The following PIK3CD variants were observed in gnomAD, a reference collection of about 807,000 sequenced individuals.
PIK3CD encodes phosphatidylinositol 4,5-bisphosphate 3-kinase catalytic subunit delta isoform.
Under a neutral mutation model 122.9 loss-of-function variants are expected in PIK3CD, and 20 were observed. That is an observed-to-expected ratio of 0.16 (90% CI 0.11 to 0.24). The LOEUF (loss-of-function observed/expected upper bound fraction) is 0.24, where lower values mean the gene tolerates loss of function less well. PIK3CD is among the 10% of genes least tolerant of loss of function. PIK3CD has a pLI of 1.00. For missense variants in PIK3CD, 787 were observed against 1,406.3 expected (o/e 0.56, Z 7.04); for synonymous variants, 596 against 593.4 (o/e 1.00, Z -0.06).
Position 9,710,531 on chromosome 1 carries a change from C to A in PIK3CD, c.76C>A (p.Leu26Met). The A allele has an allele frequency of 1.9e-6, 3 of 1,614,062 alleles. No homozygotes were observed. Among genetic ancestry groups the A allele is most frequent in the Non-Finnish European group, 2.5e-6 (3 of 1,179,974 alleles). Residue 26 changes from leucine to methionine, a missense_variant, in exon 3 of 24, where the codon CTG (leucine) becomes ATG (methionine). Leu to Met is a conservative substitution (Grantham distance 15, BLOSUM62 2). Coordinates refer to ENST00000377346, the MANE Select transcript of PIK3CD (RefSeq NM_005026.5). This position sits in a 1 kb window ranked among gnomAD's most constrained non-coding sequence, Gnocchi z 4.7. ...ENQSVVVDFL[L>M]PTGVYLNFPV... is the part of the protein sequence containing the mutation. The stretch of plus-strand genomic sequence containing the variant: ...TCAGAGCGTTGTGGTTGACTTCCTG[C>A]TGCCCACAGGGGTCTACCTGAACTT...
intron 2 of PIK3CD, among the ~76,000 whole-genome samples, chr1:9,708,551 A>G (rs1238650539): frequency 6.6e-6 from 1 of 152,190 alleles, no homozygotes; most frequent in Admixed American, 6.5e-5. Flanking sequence ...ATAAAAATAT[A>G]AAAACATGCA....
At chr1:9,676,166 G>A (rs982628663) in intron 1 of PIK3CD, among the ~76,000 whole-genome samples, 3 of 151,920 alleles carry the variant, frequency 2.0e-5, no homozygotes, top group African/African-American at 7.3e-5. Context: ...TCCTGACCTC[G>A]TGATCCACCT....
intron 2 of PIK3CD, among the ~76,000 whole-genome samples, chr1:9,705,685 ATG>A (rs1646805341): frequency 6.6e-6 from 1 of 152,246 alleles, no homozygotes; most frequent in Admixed American, 6.5e-5. Flanking sequence ...CCACAGGAAA[ATG>A]GGCAAAGTTT....
chr1:9,685,684 G>A (rs547036607), intron 1 of PIK3CD, among the ~76,000 whole-genome samples: 4 of 152,142 alleles, frequency 2.6e-5, no homozygotes, highest in Non-Finnish European at 4.4e-5. Context: ...TTTTTAAAGA[G>A]ATGAGTATCT....
chr1:9,718,269 T>C lies in PIK3CD; in HGVS notation c.1021-425T>C. On this transcript the variant is annotated intron_variant, in intron 8 of 23. Coordinates refer to ENST00000377346, the MANE Select transcript of PIK3CD (RefSeq NM_005026.5). This position sits in a 1 kb window ranked among gnomAD's most constrained non-coding sequence, Gnocchi z 7.2. Reference sequence around the variant, plus strand: ...GACTGGATCAGAGGGACTTCCAGGGTGGTGGTGTCAGGTGGAATTGGAAGG... The same window carrying C: ...GACTGGATCAGAGGGACTTCCAGGGCGGTGGTGTCAGGTGGAATTGGAAGG... 1 of 464,920 alleles carries C rather than the reference T, an allele frequency of 2.2e-6. No homozygotes were observed. The allele number at this position is 464,920 out of a possible 1,614,324, so 28.8% of individuals were successfully genotyped here. A position where few individuals can be genotyped will look rare whatever the true frequency, so the allele number is the denominator to read the frequency against.
Position 9,724,672 on chromosome 1 carries a change from AGGCCTTGTGTCCACCCATTATCAG to A in PIK3CD, c.2865-128_2865-105del. The A allele has an allele frequency of 8.1e-7, 1 of 1,236,938 alleles. No homozygotes were observed. The highest frequency in any genetic ancestry group is 1.2e-6 in the Non-Finnish European group (1 of 841,742). The allele number at this position is 1,236,938 out of a possible 1,614,324, so 76.6% of individuals were successfully genotyped here. A position where few individuals can be genotyped will look rare whatever the true frequency, so the allele number is the denominator to read the frequency against. ...CACGGGGGTCAGTTAGCAGAACTGGAGGCCTTGTGTCCACCCATTATCAGGGCAAGGGCAGGTGTCCTTGGGGAA... is the reference window on the plus strand; with the variant it reads ...CACGGGGGTCAGTTAGCAGAACTGGAGGCAAGGGCAGGTGTCCTTGGGGAA... On this transcript the variant is annotated intron_variant, in intron 22 of 23. Transcript: ENST00000377346. This position sits in a 1 kb window ranked among gnomAD's most constrained non-coding sequence, Gnocchi z 7.3.
intron 1 of PIK3CD, among the ~76,000 whole-genome samples, chr1:9,664,160 T>G (rs1645093830): frequency 6.6e-6 from 1 of 150,586 alleles, no homozygotes; most frequent in Non-Finnish European, 1.5e-5. Context: ...GTGATTCTCC[T>G]GCCTCAGCCT....
the PIK3CD span, among the ~76,000 whole-genome samples, chr1:9,631,258 G>A: frequency 2.8e-4 from 43 of 152,350 alleles, no homozygotes; most frequent in Non-Finnish European, 5.0e-4. Flanking sequence ...TGATTAGCCT[G>A]TGTTGGATCC....
chr1:9,656,221 G>C (rs1644853194), intron 1 of PIK3CD, among the ~76,000 whole-genome samples: 1 of 152,156 alleles, frequency 6.6e-6, no homozygotes, highest in South Asian at 2.1e-4. Context: ...ATGCTGTACG[G>C]GTTAAGTATC....
rs1570379719 is a variant in PIK3CD, at chr1:9,720,334, C to T, written c.1470+92C>T. 6.8e-7 allele frequency: 1 copy of T among 1,470,700 alleles called. No individual in the cohort carries two copies. The highest frequency in any genetic ancestry group is 9.1e-7 in the Non-Finnish European group (1 of 1,094,770). The allele number at this position is 1,470,700 out of a possible 1,614,324, so 91.1% of individuals were successfully genotyped here. On this transcript the variant is annotated intron_variant, in intron 11 of 23. Coordinates refer to ENST00000377346, the MANE Select transcript of PIK3CD (RefSeq NM_005026.5). This position sits in a 1 kb window ranked among gnomAD's most constrained non-coding sequence, Gnocchi z 9.0. The stretch of plus-strand genomic sequence containing the variant: ...AGCTCTTCAGAGGGTGCTCCCTGGC[C>T]ACGTCGGGGCTGGGCTACCAGGCAT...
At chr1:9,707,585 C>G (rs931051371) in intron 2 of PIK3CD, among the ~76,000 whole-genome samples, 1 of 151,900 alleles carries the variant, frequency 6.6e-6, no homozygotes, top group African/African-American at 2.4e-5. Context: ...TATTTAGCTC[C>G]CACTTATAGG....
At chr1:9,651,164 T>C (rs946151298), upstream of PIK3CD, among the ~76,000 whole-genome samples, 1 of 152,148 alleles carries the variant, frequency 6.6e-6, no homozygotes, top group Non-Finnish European at 1.5e-5. Context: ...TCTTTATAGA[T>C]AGAAATCATT....
At chr1:9,656,605 A>T (rs1644861896) in intron 1 of PIK3CD, among the ~76,000 whole-genome samples, 1 of 152,154 alleles carries the variant, frequency 6.6e-6, no homozygotes, top group African/African-American at 2.4e-5. Flanking sequence ...TAGCCATGGC[A>T]CTACAACTTG....
rs550169959 is a variant in PIK3CD at position 9,710,694 on chromosome 1, T to G, written c.141+98T>G. On this transcript the variant is annotated intron_variant, in intron 3 of 23. Transcript: ENST00000377346. This position sits in a 1 kb window ranked among gnomAD's most constrained non-coding sequence, Gnocchi z 4.7. ...ACAGACAGACAGACAGATGGACAGG[T>G]GGACAGACGGACAGACAGATGGACA... The G allele has an allele frequency of 7.4e-7, 1 of 1,350,882 alleles. No homozygotes were observed. The highest frequency in any genetic ancestry group is 1.1e-6 in the Non-Finnish European group (1 of 946,624). The allele number at this position is 1,350,882 out of a possible 1,614,324, so 83.7% of individuals were successfully genotyped here.
rs1408760018 is a variant in PIK3CD at position 9,727,103 on chromosome 1, C to G, written c.*57C>G. ...GCGGCTGCGGGTCGTGGGGACCAAGCACATTGGTCCTAAAGGGGCTGAAGA... is the reference window on the plus strand; with the variant it reads ...GCGGCTGCGGGTCGTGGGGACCAAGGACATTGGTCCTAAAGGGGCTGAAGA... On this transcript the variant is annotated 3_prime_UTR_variant, in exon 24 of 24. Transcript: ENST00000377346. 3 of 1,598,634 alleles carry G rather than the reference C, an allele frequency of 1.9e-6. No individual in the cohort carries two copies. Among genetic ancestry groups the G allele is most frequent in the Non-Finnish European group, 2.6e-6 (3 of 1,167,160 alleles).
At position 9,717,680 on chromosome 1, in the gene PIK3CD, G is replaced by C; in HGVS notation, c.1020+54G>C. 1 of 1,520,186 alleles carries C rather than the reference G, an allele frequency of 6.6e-7. No individual in the cohort carries two copies. Among genetic ancestry groups the C allele is most frequent in the Non-Finnish European group, 9.1e-7 (1 of 1,098,382 alleles). 94.2% of individuals were successfully genotyped at this position (1,520,186 alleles called of 1,614,324 possible). On this transcript the variant is annotated intron_variant, in intron 8 of 23. Coordinates refer to ENST00000377346, the MANE Select transcript of PIK3CD (RefSeq NM_005026.5). The surrounding 1 kb of genome is among the most constrained non-coding windows in gnomAD (Gnocchi z 5.4). ...CACTGTTTTTTTGCACAAACAAGGT[G>C]GCTGTATCCTGGAGGGGTAGCAGAG... is the stretch of plus-strand genomic sequence containing the variant.
At chr1:9,635,275 G>GAA in the PIK3CD span, among the ~76,000 whole-genome samples, 15,986 of 128,308 alleles carry the variant, frequency 0.12, 1,169 homozygotes, top group East Asian at 0.21. Flanking sequence ...ACTCCATCCT[G>GAA]AAAAAAAAAA....
At chr1:9,642,947 G>T in the PIK3CD span, among the ~76,000 whole-genome samples, 1 of 151,180 alleles carries the variant, frequency 6.6e-6, no homozygotes, top group East Asian at 2.0e-4. Context: ...AATTAGCCGG[G>T]TGTGGTGGCA....
At chr1:9,688,602 A>G (rs1284269918) in intron 1 of PIK3CD, among the ~76,000 whole-genome samples, 3 of 152,134 alleles carry the variant, frequency 2.0e-5, no homozygotes, top group South Asian at 2.1e-4. Context: ...ACGCGGTAGG[A>G]TGGCTTGAGC....
Sources: gnomAD v4.1 joint callset for allele counts (sites outside exome capture counted in the v4.1 genomes callset) on GRCh38, gnomAD v4.1.1 for gene constraint, Gnocchi (gnomAD v3.1) non-coding constraint, MANE v1.5 for transcripts, NCBI Gene and HGNC (gene_info 2026-07-23, HGNC 2026-07-21) for gene names.